The following WIPI2 variants were observed in gnomAD, a reference collection of about 807,000 sequenced individuals.
WIPI2 encodes WD repeat domain phosphoinositide-interacting protein 2.
In WIPI2, 28 loss-of-function variants were observed where a neutral mutation model predicts 52.3. That is an observed-to-expected ratio of 0.54 (90% CI 0.40 to 0.73). WIPI2 has a LOEUF of 0.73. WIPI2 is among the 30% of genes least tolerant of loss of function. The pLI, the probability that WIPI2 is intolerant of heterozygous loss-of-function variation, is 0.00. For missense variants in WIPI2, 506 were observed against 602.9 expected, an observed-to-expected ratio of 0.84 and a Z score of 1.68; for synonymous variants, 268 against 245.0, an observed-to-expected ratio of 1.09 and a Z score of -0.88.
chr7:5,194,444 A>G (rs1781642555), intron 2 of WIPI2, among the ~76,000 whole-genome samples: 1 of 152,118 alleles, frequency 6.6e-6, no homozygotes, highest in Non-Finnish European at 1.5e-5. Flanking sequence ...AAAAAATCTG[A>G]CTCACATCTT....
At position 5,225,368 on chromosome 7, in the gene WIPI2, C is replaced by T. The variant is rs189610678; in HGVS notation, c.741-455C>T. On this transcript the variant is annotated intron_variant, in intron 8 of 12. Coordinates refer to ENST00000288828, the MANE Select transcript of WIPI2 (RefSeq NM_015610.4). ...ATGTTGGCCAGGATGGTCTCGATATCTTGACCTCATGATCCGCCCACCTTG... is the reference window on the plus strand; with the variant it reads ...ATGTTGGCCAGGATGGTCTCGATATTTTGACCTCATGATCCGCCCACCTTG... 3.5e-3 allele frequency among the ~76,000 whole-genome samples: 529 copies of T among 152,228 alleles called. 4 individuals carry two copies. The highest frequency in any genetic ancestry group is 5.9e-3 in the Non-Finnish European group (404 of 68,008).
At chr7:5,208,708 C>T (rs2115252255) in intron 3 of WIPI2, among the ~76,000 whole-genome samples, 1 of 152,194 alleles carries the variant, frequency 6.6e-6, no homozygotes, top group East Asian at 1.9e-4. Flanking sequence ...TGCTTTGGTG[C>T]TTTACAGTCC....
chr7:5,201,520 G>C (rs1457051333), intron 3 of WIPI2, among the ~76,000 whole-genome samples: 1 of 152,246 alleles, frequency 6.6e-6, no homozygotes, highest in Non-Finnish European at 1.5e-5. Context: ...AGGACAGGCA[G>C]ATCACATGAG....
At chr7:5,222,710 T>C (rs1783205501) in intron 8 of WIPI2, 38 bp downstream of exon 8, 1 of 1,574,582 alleles carries the variant, frequency 6.4e-7, no homozygotes. Flanking sequence ...TTCTGGAGGT[T>C]GTATTTGGAT....
At position 5,227,149 on chromosome 7, in the gene WIPI2, G is replaced by T; in HGVS notation, c.849-31G>T. The T allele has an allele frequency of 1.2e-6, 2 of 1,613,064 alleles. No individual in the cohort carries two copies. The highest frequency in any genetic ancestry group is 1.7e-6 in the Non-Finnish European group (2 of 1,179,736). ...TGGCCGTCCCCCCAGGGAGGGTGCA[G>T]CTTCATGTGTCTGGTGGCCTTTCCT... On this transcript the variant is annotated intron_variant, in intron 9 of 12. Transcript: ENST00000288828. The surrounding 1 kb of genome is among the most constrained non-coding windows in gnomAD (Gnocchi z 8.1).
At position 5,229,709 on chromosome 7, in the gene WIPI2, C is replaced by CT; in HGVS notation, c.1225dup (p.Tyr409LeufsTer34). ...TACGGCGCAGCTGCAGGAAAAGGTACTTACGTGCCTTCATCCCCAACGAGA... is the reference window on the plus strand; with the variant it reads ...TACGGCGCAGCTGCAGGAAAAGGTACTTTACGTGCCTTCATCCCCAACGAGA... On this transcript the variant is annotated frameshift_variant, in exon 12 of 13. Coordinates refer to ENST00000288828, the MANE Select transcript of WIPI2 (RefSeq NM_015610.4). LOFTEE classifies it high-confidence loss of function. 1 of 1,614,044 alleles carries CT rather than the reference C, an allele frequency of 6.2e-7. No individual in the cohort carries two copies. Among genetic ancestry groups the CT allele is most frequent in the Non-Finnish European group, 8.5e-7 (1 of 1,179,954 alleles).
At chr7:5,205,322 GTGAT>G (rs1782243011) in intron 3 of WIPI2, among the ~76,000 whole-genome samples, 1 of 152,182 alleles carries the variant, frequency 6.6e-6, no homozygotes, top group African/African-American at 2.4e-5. Flanking sequence ...TCACTCCAGA[GTGAT>G]TGGTCGTTCA....
chr7:5,215,195 C>T (rs921184742), intron 4 of WIPI2, among the ~76,000 whole-genome samples: 9 of 152,086 alleles, frequency 5.9e-5, no homozygotes, highest in East Asian at 3.9e-4. Flanking sequence ...CCTGTAATCC[C>T]GGCTACTCGG....
At chr7:5,220,330 C>T (rs1783051595) in intron 7 of WIPI2, among the ~76,000 whole-genome samples, 1 of 151,698 alleles carries the variant, frequency 6.6e-6, no homozygotes, top group African/African-American at 2.4e-5. Flanking sequence ...ACAACCTCTG[C>T]CTCCCAGGTT....
chr7:5,211,961 A>C (rs1393152122), intron 3 of WIPI2, among the ~76,000 whole-genome samples: 1 of 152,220 alleles, frequency 6.6e-6, no homozygotes, highest in African/African-American at 2.4e-5. Flanking sequence ...CACCAAGAGC[A>C]CTTCTGCCTC....
At chr7:5,207,371 T>A (rs982872266) in intron 3 of WIPI2, among the ~76,000 whole-genome samples, 3 of 152,234 alleles carry the variant, frequency 2.0e-5, no homozygotes, top group African/African-American at 4.8e-5. Context: ...TTTTTTCTAC[T>A]GTAGATTAGT....
intron 11 of WIPI2, among the ~76,000 whole-genome samples, chr7:5,228,832 G>A (rs549009615): frequency 8.8e-4 from 134 of 152,244 alleles, no homozygotes; most frequent in African/African-American, 3.1e-3. Context: ...AGGTTCAAGG[G>A]ATCCTTCCAC....
At chr7:5,208,025 C>T (rs1302794524) in intron 3 of WIPI2, among the ~76,000 whole-genome samples, 1 of 152,222 alleles carries the variant, frequency 6.6e-6, no homozygotes, top group East Asian at 1.9e-4. Flanking sequence ...CTCGACCTCC[C>T]AAAGTGCTGG....
At chr7:5,228,310 C>T (rs1355699143) in intron 11 of WIPI2, 99 bp downstream of exon 11, 1 of 1,117,450 alleles carries the variant, frequency 8.9e-7, no homozygotes, top group Admixed American at 2.8e-5. Context: ...AAACCAGTGA[C>T]ATAGAGGGGC....
chr7:5,219,836 T>G (rs1351014849), intron 7 of WIPI2, among the ~76,000 whole-genome samples: 2 of 134,144 alleles, frequency 1.5e-5, no homozygotes, highest in Non-Finnish European at 3.1e-5. Context: ...CAAGTACCAG[T>G]TTTTTTTTTT....
chr7:5,216,480 C>T, intron 4 of WIPI2, 83 bp from the exon 5 acceptor site: 1 of 1,075,716 alleles, frequency 9.3e-7, no homozygotes, highest in Non-Finnish European at 1.4e-6. Context: ...GCGTCATAGT[C>T]CAGGAGTCAG....
intron 11 of WIPI2, among the ~76,000 whole-genome samples, chr7:5,228,563 G>T (rs1040643408): frequency 6.6e-6 from 1 of 152,220 alleles, no homozygotes; most frequent in Non-Finnish European, 1.5e-5. Context: ...AAGGAAGGGC[G>T]CAGCGTGGTG....
intron 8 of WIPI2, among the ~76,000 whole-genome samples, chr7:5,223,808 G>A (rs1328637921): frequency 3.3e-5 from 5 of 152,132 alleles, no homozygotes; most frequent in Admixed American, 2.0e-4. Flanking sequence ...TGCCACCCCC[G>A]CCAGCACCCT....
In WIPI2 at chr7:5,216,650, A is replaced by C. The variant is rs1782829966; in HGVS notation, c.469A>C (p.Asn157His). The change falls in exon 5 of 13, where the codon AAC becomes CAC. Residue 157 changes from asparagine (N) to histidine (H), a missense_variant. By Grantham distance (68) the Asn-to-His change is moderately conservative (BLOSUM62 1). Transcript: ENST00000288828. ...GCATACGATCAGGGAGACGCCTCCAAACCCTGCAGGTGAGCTAACTTGTGA... is the reference window on the plus strand; with the variant it reads ...GCATACGATCAGGGAGACGCCTCCACACCCTGCAGGTGAGCTAACTTGTGA... ...VLHTIRETPP[N>H]PAGLCALSIN... 1 of 1,614,000 alleles carries C rather than the reference A, an allele frequency of 6.2e-7. No individual in the cohort carries two copies. The highest frequency in any genetic ancestry group is 1.3e-5 in the African/African-American group (1 of 74,902).
Sources: allele counts gnomAD v4.1 joint callset (sites outside exome capture counted in the v4.1 genomes callset), GRCh38; gene constraint gnomAD v4.1.1; non-coding constraint Gnocchi (gnomAD v3.1); transcripts MANE v1.5; gene names NCBI Gene and HGNC (gene_info 2026-07-23, HGNC 2026-07-21).